Variants in HDAC9 observed in about 807,000 individuals in gnomAD.
HDAC9 encodes the protein histone deacetylase 9, also known as MEF-2 interacting transcription repressor (MITR) protein.
Under a neutral mutation model 139.4 loss-of-function variants are expected in HDAC9, and 41 were observed. The observed-to-expected ratio is 0.29, with a 90% CI of 0.23 to 0.38. The LOEUF (loss-of-function observed/expected upper bound fraction) is 0.38. Among genes scored for constraint, HDAC9 ranks in the 10% least tolerant of loss-of-function variants. HDAC9 has a pLI of 1.00. For synonymous variants in HDAC9, 517 were observed against 476.2 expected (o/e 1.09, Z -1.12); for missense variants, 1,147 against 1,297.0 (o/e 0.88, Z 1.78).
At chr7:18,344,517 A>G (rs751999140) in intron 1 of HDAC9, among the ~76,000 whole-genome samples, 6 of 151,958 alleles carry the variant, frequency 3.9e-5, no homozygotes, top group Non-Finnish European at 8.8e-5. Flanking sequence ...GCTTCCAGAA[A>G]TTGTTCAGGT....
chr7:18,339,681 A>G (rs1156745076), intron 1 of HDAC9, among the ~76,000 whole-genome samples: 3 of 151,364 alleles, frequency 2.0e-5, no homozygotes, highest in South Asian at 2.1e-4. Flanking sequence ...TATTTTCCAC[A>G]TATTTTAAGA....
intron 24 of HDAC9, among the ~76,000 whole-genome samples, chr7:18,966,606 C>CA (rs1359297258): frequency 6.6e-6 from 1 of 152,068 alleles, no homozygotes; most frequent in Non-Finnish European, 1.5e-5. Context: ...GAGGCTGAGG[C>CA]AGGAGAATTG....
intron 13 of HDAC9, among the ~76,000 whole-genome samples, chr7:18,732,961 GTA>G (rs1405493216): frequency 2.1e-5 from 3 of 140,242 alleles, no homozygotes; most frequent in African/African-American, 8.5e-5. Flanking sequence ...GTATGTGTGT[GTA>G]TGTGTATATA....
chr7:18,860,910 C>T (rs1482346134), intron 21 of HDAC9, among the ~76,000 whole-genome samples: 1 of 152,168 alleles, frequency 6.6e-6, no homozygotes, highest in Non-Finnish European at 1.5e-5. Context: ...ACCCTTGTAG[C>T]TCAGCCTCAG....
At chr7:18,160,884 T>G (rs1323654915) in intron 1 of HDAC9, among the ~76,000 whole-genome samples, 3 of 151,990 alleles carry the variant, frequency 2.0e-5, no homozygotes, top group African/African-American at 7.2e-5. Flanking sequence ...TCCCAAAGGG[T>G]GATATTATTA....
At position 18,327,929 on chromosome 7, in the gene HDAC9, G is replaced by A. The variant is rs377020258; in HGVS notation, c.-42+37414G>A. ...GCTCCTTTGTAAAAGAGGATGTTGA[G>A]TTAGAAGTGTTCTAAGGTGGCTTTC... On this transcript the variant is annotated intron_variant, in intron 1 of 3. Coordinates refer to the HDAC9 transcript ENST00000413509. Among the ~76,000 whole-genome samples the A allele has an allele frequency of 3.3e-5, 5 of 151,954 alleles. No individual in the cohort carries two copies. The East Asian group carries it at 5.8e-4, about 18-fold the overall frequency.
chr7:18,548,650 A>T (rs993098141), intron 2 of HDAC9, among the ~76,000 whole-genome samples: 1 of 152,220 alleles, frequency 6.6e-6, no homozygotes, highest in African/African-American at 2.4e-5. Flanking sequence ...CTCATATCTA[A>T]AATGTATAAA....
rs539097343 is a variant in HDAC9, at chr7:18,665,187, G to A, written c.1468-1026G>A. On this transcript the variant is annotated intron_variant, in intron 11 of 25. Coordinates refer to ENST00000686413, the MANE Select transcript of HDAC9 (RefSeq NM_178425.4). ...AGAAAAATCTGCATTCATGTTTATG[G>A]TGGTAGTATTATAAGTGTGCTGCTA... Among the ~76,000 whole-genome samples, 4 of 152,248 alleles carry A rather than the reference G, an allele frequency of 2.6e-5. No homozygotes were observed. The South Asian group carries it at 8.3e-4, about 32-fold the overall frequency.
intron 1 of HDAC9, among the ~76,000 whole-genome samples, chr7:18,323,310 A>G (rs980222678): frequency 4.6e-5 from 7 of 152,090 alleles, no homozygotes; most frequent in African/African-American, 7.2e-5. Context: ...CCAAAGCTCT[A>G]TTCTCTCTGT....
chr7:18,759,998 A>G (rs1207715860), intron 14 of HDAC9, among the ~76,000 whole-genome samples: 1 of 152,222 alleles, frequency 6.6e-6, no homozygotes, highest in Non-Finnish European at 1.5e-5. Flanking sequence ...GAAAAAATCA[A>G]TGAAAGTTTA....
At chr7:18,987,570 T>C (rs1259717004) in intron 25 of HDAC9, among the ~76,000 whole-genome samples, 1 of 152,254 alleles carries the variant, frequency 6.6e-6, no homozygotes, top group East Asian at 1.9e-4. Context: ...ATCAGGATGA[T>C]GCTGGCCTCA....
At chr7:18,717,925 A>G (rs1784828620) in intron 12 of HDAC9, among the ~76,000 whole-genome samples, 1 of 152,208 alleles carries the variant, frequency 6.6e-6, no homozygotes, top group Non-Finnish European at 1.5e-5. Context: ...GTGGGATAGA[A>G]ACTTTTTTAC....
rs1181078064 is a variant in HDAC9, at chr7:18,471,972, T to C, written c.-41-24290T>C. Among the ~76,000 whole-genome samples, 3 of 152,192 alleles carry C rather than the reference T, an allele frequency of 2.0e-5. No homozygotes were observed. The East Asian group carries it at 5.8e-4, about 29-fold the overall frequency. On this transcript the variant is annotated intron_variant, in intron 1 of 3. Transcript: ENST00000413509. The stretch of plus-strand genomic sequence containing the variant: ...TTTGCCAAAGCCCTGTTTTAAATTC[T>C]GCTATTAATGCAAACCAGGCTGCAG...
intron 1 of HDAC9, among the ~76,000 whole-genome samples, chr7:18,400,466 G>A (rs558607773): frequency 2.8e-4 from 42 of 152,254 alleles, no homozygotes; most frequent in African/African-American, 8.4e-4. Context: ...GTAGAAACTG[G>A]GGGTTGGCAG....
chr7:18,125,432 C>CGTGTGTGT lies in HDAC9; in HGVS notation c.-96-36780_-96-36773dup, dbSNP rs10647409. On this transcript the variant is annotated intron_variant, in intron 1 of 12. Coordinates refer to the HDAC9 transcript ENST00000417496. ...ATATACACTAACACATATATATATG[C>CGTGTGTGT]GTGTGTGTGTGTGTGTGTGTGTGTT... Among the ~76,000 whole-genome samples the CGTGTGTGT allele has an allele frequency of 2.8e-5, 4 of 142,648 alleles. No individual in the cohort carries two copies. The South Asian group carries it at 6.4e-4, about 23-fold the overall frequency. The allele number at this position is 142,648 out of a possible 152,430, so 93.6% of individuals were successfully genotyped here.
chr7:18,854,503 T>A (rs983806231), intron 21 of HDAC9, among the ~76,000 whole-genome samples: 3 of 151,980 alleles, frequency 2.0e-5, no homozygotes, highest in African/African-American at 7.2e-5. Flanking sequence ...CAAAGAAAAA[T>A]AAGTTTATGG....
chr7:18,723,892 C>A (rs1264515313), intron 12 of HDAC9, among the ~76,000 whole-genome samples: 4 of 151,956 alleles, frequency 2.6e-5, no homozygotes, highest in South Asian at 2.1e-4. Flanking sequence ...AATGCACAGA[C>A]AAAATAATAT....
chr7:18,721,361 G>T (rs1197747587), intron 12 of HDAC9, among the ~76,000 whole-genome samples: 5 of 151,088 alleles, frequency 3.3e-5, no homozygotes, highest in African/African-American at 4.9e-5. Context: ...CTTAATATGT[G>T]ATATTAATTT....
intron 2 of HDAC9, among the ~76,000 whole-genome samples, chr7:18,283,103 G>C (rs1797209354): frequency 6.6e-6 from 1 of 152,010 alleles, no homozygotes; most frequent in South Asian, 2.1e-4. Context: ...AGAACTACTT[G>C]AGACTGGGCA....
Sources: allele counts gnomAD v4.1 joint callset (sites outside exome capture counted in the v4.1 genomes callset), GRCh38; gene constraint gnomAD v4.1.1; transcripts MANE v1.5; gene names NCBI Gene and HGNC (gene_info 2026-07-23, HGNC 2026-07-21).